Variants in SIL1 observed in about 807,000 individuals in gnomAD.
SIL1 encodes SIL1 nucleotide exchange factor.
SIL1 carries 40 observed loss-of-function variants against 49.1 expected under a neutral mutation model. The ratio of observed to expected loss-of-function variants is 0.81; its 90% CI spans 0.63 to 1.06. The LOEUF is 1.06. SIL1 is among the 50% of genes least tolerant of loss of function. The probability of loss-of-function intolerance (pLI) is 0.00; values close to 1 mark genes in which losing one functional copy is unlikely to be tolerated. For synonymous variants in SIL1, 253 were observed against 250.8 expected (o/e 1.01, Z -0.08); for missense variants, 500 against 572.6 (o/e 0.87, Z 1.29).
At chr5:139,144,817 G>A (rs1312237259) in intron 1 of SIL1, among the ~76,000 whole-genome samples, 1 of 152,094 alleles carries the variant, frequency 6.6e-6, no homozygotes, top group East Asian at 1.9e-4. Context: ...GTTGCAGTGA[G>A]CTGAGACTGA....
At chr5:139,095,691 G>T (rs1770446461) in intron 3 of SIL1, among the ~76,000 whole-genome samples, 1 of 152,210 alleles carries the variant, frequency 6.6e-6, no homozygotes, top group Non-Finnish European at 1.5e-5. Flanking sequence ...GAGCCATTGT[G>T]GTGGCACACA....
At chr5:139,035,352 A>T in intron 5 of SIL1, 1 of 533,530 alleles carries the variant, frequency 1.9e-6, no homozygotes, top group South Asian at 1.4e-5. Flanking sequence ...ACTGTGTTTG[A>T]TGTTTTTCCA....
chr5:138,960,992 C>T (rs756051063), intron 7 of SIL1, among the ~76,000 whole-genome samples: 17 of 152,098 alleles, frequency 1.1e-4, no homozygotes, highest in Non-Finnish European at 1.2e-4. Flanking sequence ...GGTGTCTCCA[C>T]TTTCAATAAT....
intron 7 of SIL1, among the ~76,000 whole-genome samples, chr5:138,978,067 T>C (rs1319212575): frequency 5.3e-5 from 8 of 152,248 alleles, no homozygotes; most frequent in Non-Finnish European, 1.0e-4. Flanking sequence ...AAATGCTTTA[T>C]TGAGGTAAAA....
At chr5:139,033,136 A>G (rs1357408862) in intron 5 of SIL1, among the ~76,000 whole-genome samples, 1 of 151,936 alleles carries the variant, frequency 6.6e-6, no homozygotes, top group African/African-American at 2.4e-5. Flanking sequence ...TCGGACTACA[A>G]GCGTGCGCCA....
intron 3 of SIL1, among the ~76,000 whole-genome samples, chr5:139,111,149 C>T (rs1770829857): frequency 1.3e-5 from 2 of 152,200 alleles, no homozygotes. Flanking sequence ...CCCAACCTTC[C>T]ATTTCTCAAG....
intron 2 of SIL1, among the ~76,000 whole-genome samples, chr5:139,126,828 A>G (rs1265968191): frequency 6.6e-6 from 1 of 152,126 alleles, no homozygotes; most frequent in Admixed American, 6.5e-5. Flanking sequence ...CACAATTGTC[A>G]TTTGCACTTC....
chr5:138,950,519 G>A (rs1390048833), intron 9 of SIL1, among the ~76,000 whole-genome samples: 3 of 152,198 alleles, frequency 2.0e-5, no homozygotes, highest in African/African-American at 2.4e-5. Flanking sequence ...TCCACTAGTC[G>A]GCATGCGGCT....
intron 1 of SIL1, among the ~76,000 whole-genome samples, chr5:139,170,589 C>T (rs181244639): frequency 0.047 from 7,050 of 151,332 alleles, 193 homozygotes; most frequent in African/African-American, 0.079. Flanking sequence ...AGCGTCTCTG[C>T]CCGGCCGCCC....
At chr5:138,966,834 TAGC>T (rs1767155066) in intron 7 of SIL1, among the ~76,000 whole-genome samples, 1 of 152,160 alleles carries the variant, frequency 6.6e-6, no homozygotes, top group Admixed American at 6.5e-5. Context: ...AGCTAATAAG[TAGC>T]AGAGTCATGA....
intron 5 of SIL1, among the ~76,000 whole-genome samples, chr5:139,033,578 C>G (rs1181699934): frequency 6.8e-6 from 1 of 147,408 alleles, no homozygotes; most frequent in East Asian, 2.0e-4. Flanking sequence ...TTCAATGTAT[C>G]TTTTTTTTTT....
intron 3 of SIL1, among the ~76,000 whole-genome samples, chr5:139,094,459 A>C (rs943720123): frequency 6.6e-6 from 1 of 152,234 alleles, no homozygotes; most frequent in Non-Finnish European, 1.5e-5. Context: ...AAATCTATAG[A>C]TTAAATAATA....
intron 1 of SIL1, among the ~76,000 whole-genome samples, chr5:139,194,892 C>A (rs1752235727): frequency 6.6e-6 from 1 of 151,326 alleles, no homozygotes; most frequent in African/African-American, 2.4e-5. Context: ...AAAAGAGAAT[C>A]CACCTATTTC....
At chr5:139,174,637 C>CA (rs943023018) in intron 1 of SIL1, among the ~76,000 whole-genome samples, 33 of 148,666 alleles carry the variant, frequency 2.2e-4, no homozygotes, top group African/African-American at 4.9e-4. Context: ...GACCCCATTT[C>CA]AAAAAAAAAC....
intron 7 of SIL1, among the ~76,000 whole-genome samples, chr5:138,987,061 ATTTTG>A (rs926598453): frequency 2.5e-4 from 37 of 150,530 alleles, no homozygotes; most frequent in South Asian, 2.1e-3. Flanking sequence ...TTGATGCACT[ATTTTG>A]TTTTATTTAT....
intron 3 of SIL1, among the ~76,000 whole-genome samples, chr5:139,085,478 G>A (rs186923233): frequency 3.2e-4 from 48 of 152,292 alleles, no homozygotes; most frequent in Non-Finnish European, 5.3e-4. Context: ...AAACTAGGTA[G>A]GGAGCTGTTG....
At chr5:139,005,345 C>T (rs1278416121) in intron 7 of SIL1, among the ~76,000 whole-genome samples, 3 of 151,482 alleles carry the variant, frequency 2.0e-5, no homozygotes, top group Non-Finnish European at 2.9e-5. Flanking sequence ...TTTGCCCATA[C>T]TTTTGATAAA....
At chr5:139,179,741 A>G (rs1011933869) in intron 1 of SIL1, among the ~76,000 whole-genome samples, 2 of 152,140 alleles carry the variant, frequency 1.3e-5, no homozygotes, top group African/African-American at 4.8e-5. Context: ...AACTTGTCCA[A>G]CTATTGAATG....
intron 5 of SIL1, among the ~76,000 whole-genome samples, chr5:139,033,801 G>A (rs1298156531): frequency 6.6e-6 from 1 of 152,178 alleles, no homozygotes; most frequent in Non-Finnish European, 1.5e-5. Flanking sequence ...TGCTGTTGTA[G>A]AATGGAATGT....
Sources: gnomAD v4.1 joint callset for allele counts (sites outside exome capture counted in the v4.1 genomes callset) on GRCh38, gnomAD v4.1.1 for gene constraint, MANE v1.5 for transcripts, NCBI Gene and HGNC (gene_info 2026-07-23, HGNC 2026-07-21) for gene names.